The following SPATS2L variants were observed in gnomAD, a reference collection of about 807,000 sequenced individuals.
The protein encoded by SPATS2L is SPATS2-like protein.
In SPATS2L, 30 loss-of-function variants were observed where a neutral mutation model predicts 59.6. That is an observed-to-expected ratio of 0.50 (90% CI 0.38 to 0.68). The LOEUF is 0.68. Among genes scored for constraint, SPATS2L ranks in the 30% least tolerant of loss-of-function variants. The pLI is 0.00. For synonymous variants in SPATS2L, 252 were observed against 263.5 expected, an observed-to-expected ratio of 0.96 and a Z score of 0.42; for missense variants, 615 against 700.0, an observed-to-expected ratio of 0.88 and a Z score of 1.37.
chr2:200,346,326 T>C (rs1405203610), intron 2 of SPATS2L, among the ~76,000 whole-genome samples: 1 of 152,220 alleles, frequency 6.6e-6, no homozygotes, highest in Non-Finnish European at 1.5e-5. Flanking sequence ...ATTAGAAAGA[T>C]GACCTAGTTT....
At chr2:200,467,685 T>C (rs898022190) in intron 10 of SPATS2L, among the ~76,000 whole-genome samples, 5 of 152,334 alleles carry the variant, frequency 3.3e-5, no homozygotes, top group Non-Finnish European at 7.3e-5. Context: ...CCATGAATTA[T>C]AGCTGGGATG....
chr2:200,459,434 T>C (rs1275950649), intron 8 of SPATS2L, among the ~76,000 whole-genome samples: 2 of 152,306 alleles, frequency 1.3e-5, no homozygotes, highest in East Asian at 3.9e-4. Context: ...TTCAAATACT[T>C]ATTATATTGT....
chr2:200,378,027 A>T (rs2081659935), intron 2 of SPATS2L: 1 of 154,502 alleles, frequency 6.5e-6, no homozygotes, highest in Non-Finnish European at 1.4e-5. Flanking sequence ...TCCCTAAGAT[A>T]AGAAGGATGA....
upstream of SPATS2L, chr2:200,306,307 T>A: frequency 1.0e-6 from 1 of 1,002,370 alleles, no homozygotes; most frequent in Non-Finnish European, 1.2e-6. Flanking sequence ...GAGAAGATGA[T>A]TCTCTTGCAA....
At chr2:200,472,233 T>C (rs1193205991) in intron 11 of SPATS2L, among the ~76,000 whole-genome samples, 1 of 152,234 alleles carries the variant, frequency 6.6e-6, no homozygotes, top group Non-Finnish European at 1.5e-5. Context: ...TAATGAAATA[T>C]ACAAGATGCC....
chr2:200,348,589 G>A (rs2080601071), intron 2 of SPATS2L, among the ~76,000 whole-genome samples: 1 of 152,178 alleles, frequency 6.6e-6, no homozygotes, highest in Admixed American at 6.5e-5. Context: ...GTGGAGGTGA[G>A]GCAGTGAAGT....
chr2:200,387,571 A>G (rs2082030152), intron 2 of SPATS2L, among the ~76,000 whole-genome samples: 1 of 152,256 alleles, frequency 6.6e-6, no homozygotes, highest in Non-Finnish European at 1.5e-5. Flanking sequence ...TCAGCAATAG[A>G]TAATGGATCT....
intron 1 of SPATS2L, among the ~76,000 whole-genome samples, chr2:200,327,286 C>T (rs1025958186): frequency 1.3e-5 from 2 of 151,904 alleles, no homozygotes; most frequent in African/African-American, 4.8e-5. Flanking sequence ...CACCTGTAAT[C>T]CCAGCTACTT....
chr2:200,377,786 T>C (rs2081649992), intron 2 of SPATS2L, among the ~76,000 whole-genome samples: 1 of 152,192 alleles, frequency 6.6e-6, no homozygotes. Context: ...AGCTAACAGA[T>C]GTTTTCAATT....
rs2043770 is a variant in SPATS2L at position 200,479,768 on chromosome 2, G to A, written c.*1737G>A. On this transcript the variant is annotated 3_prime_UTR_variant, in exon 13 of 13. Transcript: ENST00000409140. The stretch of plus-strand genomic sequence containing the variant: ...GTTCACTGGTTCTCTTCCACAGAGC[G>A]GCCCTGAGCAGCTGAGCCTGCAAGC... 279,687 of 398,420 alleles carry A rather than the reference G, an allele frequency of 0.7. 99,284 individuals are homozygous for A. Among genetic ancestry groups the A allele is most frequent in the Admixed American group, 0.76 (17,372 of 22,724 alleles). 24.7% of individuals were successfully genotyped at this position (398,420 alleles called of 1,614,324 possible).
At chr2:200,400,684 T>C (rs1301220371) in intron 3 of SPATS2L, among the ~76,000 whole-genome samples, 1 of 152,216 alleles carries the variant, frequency 6.6e-6, no homozygotes, top group Non-Finnish European at 1.5e-5. Context: ...CTATTTTTTT[T>C]AGATAGGAGA....
chr2:200,436,597 C>T (rs905525658), intron 6 of SPATS2L, among the ~76,000 whole-genome samples: 9 of 152,156 alleles, frequency 5.9e-5, no homozygotes, highest in African/African-American at 2.2e-4. Context: ...AAAATGTTTT[C>T]AGCTCTAGGT....
chr2:200,419,318 G>A lies in SPATS2L; in HGVS notation c.267G>A (p.Glu89=), dbSNP rs374611316. 1 of 1,607,526 alleles carries A rather than the reference G, an allele frequency of 6.2e-7. No homozygotes were observed. The highest frequency in any genetic ancestry group is 2.2e-5 in the East Asian group (1 of 44,574). Residue 89 remains glutamate (E), a synonymous_variant, in exon 6 of 13, where the codon GAG becomes GAA. Transcript: ENST00000409140. ...ACAAAGATGCTAAAGACAAGGTGGAGAGGCCTGAGGCAGGGCCCCTGCAGC... is the reference window on the plus strand; with the variant it reads ...ACAAAGATGCTAAAGACAAGGTGGAAAGGCCTGAGGCAGGGCCCCTGCAGC... The part of the protein sequence containing the change: ...QGNKDAKDKV[E]RPEAGPLQPQ...
At chr2:200,411,471 C>G (rs960111796) in intron 3 of SPATS2L, among the ~76,000 whole-genome samples, 1 of 111,852 alleles carries the variant, frequency 8.9e-6, no homozygotes, top group Non-Finnish European at 2.2e-5. Flanking sequence ...TTGCACCATG[C>G]AGTACTCTAG....
intron 6 of SPATS2L, among the ~76,000 whole-genome samples, chr2:200,429,706 T>G (rs2083794261): frequency 1.3e-5 from 2 of 152,208 alleles, no homozygotes; most frequent in African/African-American, 2.4e-5. Context: ...CCTGTTCTTA[T>G]GGCCTTGCAG....
At chr2:200,309,206 G>A in intron 1 of SPATS2L, 1 of 711,028 alleles carries the variant, frequency 1.4e-6, no homozygotes, top group Non-Finnish European at 2.6e-6. Flanking sequence ...CACAGTGAAT[G>A]TTCGTGAATG....
intron 2 of SPATS2L, among the ~76,000 whole-genome samples, chr2:200,349,376 C>A (rs1318184843): frequency 6.6e-6 from 1 of 152,228 alleles, no homozygotes; most frequent in Non-Finnish European, 1.5e-5. Context: ...TGGCTCACAC[C>A]TGCAATCCCA....
At chr2:200,467,700 ATAT>A (rs776313798) in intron 10 of SPATS2L, among the ~76,000 whole-genome samples, 6 of 152,156 alleles carry the variant, frequency 3.9e-5, no homozygotes, top group Admixed American at 3.3e-4. Flanking sequence ...GGGATGGGGG[ATAT>A]TATTTTCACA....
At chr2:200,453,386 G>A (rs2085602160) in intron 8 of SPATS2L, among the ~76,000 whole-genome samples, 1 of 152,234 alleles carries the variant, frequency 6.6e-6, no homozygotes, top group African/African-American at 2.4e-5. Context: ...TTTGTTGACA[G>A]CTGCAACAAA....
Sources: allele counts gnomAD v4.1 joint callset (sites outside exome capture counted in the v4.1 genomes callset), GRCh38; gene constraint gnomAD v4.1.1; transcripts MANE v1.5; gene names NCBI Gene and HGNC (gene_info 2026-07-23, HGNC 2026-07-21).